Variants in FCGR3B observed in about 807,000 individuals in gnomAD.
FCGR3B encodes the protein Fc gamma receptor IIIb.
FCGR3B carries 20 observed loss-of-function variants against 26.7 expected under a neutral mutation model. That is an observed-to-expected ratio of 0.75 (90% CI 0.53 to 1.09). The LOEUF is 1.09. FCGR3B is among the 50% of genes least tolerant of loss of function. FCGR3B has a pLI of 0.00. For synonymous variants in FCGR3B, 79 were observed against 107.0 expected, an observed-to-expected ratio of 0.74 and a Z score of 1.62; for missense variants, 191 against 279.7, an observed-to-expected ratio of 0.68 and a Z score of 2.26.
chr1:161,628,243 A>T (rs1679572621), intron 3 of FCGR3B, among the ~76,000 whole-genome samples: 1 of 150,136 alleles, frequency 6.7e-6, no homozygotes, highest in African/African-American at 2.5e-5. Flanking sequence ...ACTGCACTCC[A>T]GCTTGGGTGA....
chr1:161,626,391 G>A lies in FCGR3B; in HGVS notation c.331C>T (p.Leu111Phe), dbSNP rs769914012. The A allele has an allele frequency of 6.2e-7, 1 of 1,609,158 alleles. No individual in the cohort carries two copies. The highest frequency in any genetic ancestry group is 1.1e-5 in the South Asian group (1 of 90,592). ...TTGAACACCCACCGAGGGGCCTGGA[G>A]CAACAGCCAGCCTGAAAGACACAGA... ...QLEVHIGWLLLQAPRWVFKEE... is the reference protein window; with the variant it reads ...QLEVHIGWLLFQAPRWVFKEE... The change falls in exon 4 of 5, where the codon CTC (leucine) becomes TTC (phenylalanine). Residue 111 changes from leucine to phenylalanine, a missense_variant. By Grantham distance (22) the Leu-to-Phe change is conservative. Coordinates refer to ENST00000650385, the MANE Select transcript of FCGR3B (RefSeq NM_001244753.2).
At chr1:161,624,878 T>A (rs1322064945) in intron 4 of FCGR3B, among the ~76,000 whole-genome samples, 1 of 146,488 alleles carries the variant, frequency 6.8e-6, no homozygotes, top group Non-Finnish European at 1.5e-5. Context: ...TTGACAGAGA[T>A]GTGACAGGGA....
chr1:161,625,995 T>G, intron 4 of FCGR3B, 150 bp downstream of exon 4: 2 of 858,102 alleles, frequency 2.3e-6, no homozygotes, highest in Admixed American at 2.7e-5. Context: ...TCAGGGACTT[T>G]TGGGGACCTC....
chr1:161,628,227 T>A (rs1389564925), intron 3 of FCGR3B, among the ~76,000 whole-genome samples: 1 of 149,900 alleles, frequency 6.7e-6, no homozygotes. Context: ...GAACCAAGAT[T>A]GCGCCACTGC....
rs1309102528 is a variant in FCGR3B at position 161,624,379 on chromosome 1, A to C, written c.*136T>G. On this transcript the variant is annotated 3_prime_UTR_variant, in exon 5 of 5. Coordinates refer to ENST00000650385, the MANE Select transcript of FCGR3B (RefSeq NM_001244753.2). ...CTGCTTGTAGAGAGGCCTGAGGATG[A>C]TGGGGTTGCAAATCCAGAGAAATGT... 9.4e-5 allele frequency: 99 copies of C among 1,050,016 alleles called. No individual in the cohort carries two copies. Among genetic ancestry groups the C allele is most frequent in the Non-Finnish European group, 1.3e-4 (94 of 711,218 alleles). 65.0% of individuals were successfully genotyped at this position (1,050,016 alleles called of 1,614,324 possible).
intron 3 of FCGR3B, among the ~76,000 whole-genome samples, chr1:161,627,263 G>T (rs1212529945): frequency 2.0e-5 from 3 of 150,096 alleles, no homozygotes; most frequent in Non-Finnish European, 3.0e-5. Flanking sequence ...ATTTTAAAAA[G>T]TATTATGCAC....
In FCGR3B at chr1:161,623,387, G is replaced by C. The variant is rs2102582945; in HGVS notation, c.*1128C>G. 1 of 150,592 alleles carries C rather than the reference G, an allele frequency of 6.6e-6. No homozygotes were observed. Among genetic ancestry groups the C allele is most frequent in the South Asian group, 2.1e-4 (1 of 4,698 alleles). 9.3% of individuals were successfully genotyped at this position (150,592 alleles called of 1,614,324 possible). A position where few individuals can be genotyped will look rare whatever the true frequency, so the allele number is the denominator to read the frequency against. On this transcript the variant is annotated 3_prime_UTR_variant, in exon 5 of 5. Transcript: ENST00000650385. The stretch of plus-strand genomic sequence containing the variant: ...CCCACCTCATTGGAACTGACATGAA[G>C]AAGGATTTGAAAGTTTCACAGCGTA...
chr1:161,624,625 T>C lies in FCGR3B; in HGVS notation c.592A>G (p.Thr198Ala). 1 of 1,605,436 alleles carries C rather than the reference T, an allele frequency of 6.2e-7. No individual in the cohort carries two copies. The highest frequency in any genetic ancestry group is 8.5e-7 in the Non-Finnish European group (1 of 1,176,102). ...ITITQGLAVSTISSFSPPGYQ... is the reference protein window; with the variant it reads ...ITITQGLAVSAISSFSPPGYQ... ...CCAGGTGGAGAGAATGATGAGATGG[T>C]TGACACTGCCAAACCTATTAGGAGA... Residue 198 changes from threonine (T) to alanine (A), a missense_variant, in exon 5 of 5, where the codon ACC becomes GCC. Physicochemically the swap from Thr to Ala is moderately conservative, Grantham distance 58. Coordinates refer to ENST00000650385, the MANE Select transcript of FCGR3B (RefSeq NM_001244753.2).
intron 3 of FCGR3B, among the ~76,000 whole-genome samples, chr1:161,629,495 G>T (rs1679631537): frequency 2.5e-5 from 1 of 40,732 alleles, no homozygotes; most frequent in African/African-American, 8.1e-5. Flanking sequence ...CTATGCCATG[G>T]CCTAACCTTC....
intron 3 of FCGR3B, among the ~76,000 whole-genome samples, chr1:161,628,167 G>C (rs1679564260): frequency 6.7e-6 from 1 of 149,986 alleles, no homozygotes; most frequent in African/African-American, 2.5e-5. Context: ...CAGCTAGTTG[G>C]GAGGCTGAAG....
At chr1:161,627,369 A>G (rs986233011) in intron 3 of FCGR3B, among the ~76,000 whole-genome samples, 1 of 150,330 alleles carries the variant, frequency 6.7e-6, no homozygotes, top group Admixed American at 6.6e-5. Context: ...TTACTTTTAT[A>G]TATTTTTGAA....
At chr1:161,624,780 AG>A in intron 4 of FCGR3B, 141 bp from the exon 5 acceptor site, 1 of 800,358 alleles carries the variant, frequency 1.2e-6, no homozygotes, top group South Asian at 1.9e-5. Context: ...TCTGGGGGAA[AG>A]TATTGCTTCC....
rs553559842 is a variant in FCGR3B, at chr1:161,628,898, CA to C, written c.319+879del. On this transcript the variant is annotated intron_variant, in intron 3 of 4. Transcript: ENST00000650385. Reference sequence around the variant, plus strand: ...ATGTCTATATTCTGTTAATAGTACACAAGGACTTTCATGTCATGATTAATGT... The same window carrying C: ...ATGTCTATATTCTGTTAATAGTACACAGGACTTTCATGTCATGATTAATGT... Among the ~76,000 whole-genome samples, 20 of 138,616 alleles carry C rather than the reference CA, an allele frequency of 1.4e-4. 2 individuals carry two copies. In the South Asian group the frequency reaches 4.9e-3, roughly 34 times the overall value. 90.9% of individuals were successfully genotyped at this position (138,616 alleles called of 152,430 possible). A position where few individuals can be genotyped will look rare whatever the true frequency, so the allele number is the denominator to read the frequency against.
At chr1:161,631,700 A>G (rs768477579), upstream of FCGR3B, among the ~76,000 whole-genome samples, 2 of 126,458 alleles carry the variant, frequency 1.6e-5, no homozygotes, top group Non-Finnish European at 3.4e-5. Context: ...CAAAATCTAT[A>G]TGCTCCTGGG....
Position 161,624,578 on chromosome 1 carries a change from C to G in FCGR3B, c.639G>C (p.Leu213Phe). ...SPPGYQVSFCLVMVLLFAVDT... is the reference protein window; with the variant it reads ...SPPGYQVSFCFVMVLLFAVDT... ...CCACTGCAAAAAGGAGTACCATCACCAAGCAGAAAGAGACTTGGTACCCAG... is the reference window on the plus strand; with the variant it reads ...CCACTGCAAAAAGGAGTACCATCACGAAGCAGAAAGAGACTTGGTACCCAG... The change falls in exon 5 of 5, where the codon TTG becomes TTC. Residue 213 changes from leucine to phenylalanine, a missense_variant. By Grantham distance (22) the Leu-to-Phe change is conservative. Around this residue, in one of 2 missense-constraint regions of FCGR3B, gnomAD observed 103 missense variants for 114.5 expected, o/e 0.90. Transcript: ENST00000650385. 2.5e-6 allele frequency: 4 copies of G among 1,606,360 alleles called. No individual in the cohort carries two copies. Among genetic ancestry groups the G allele is most frequent in the East Asian group, 2.2e-5 (1 of 44,722 alleles).
chr1:161,627,292 C>A (rs564153982), intron 3 of FCGR3B, among the ~76,000 whole-genome samples: 1 of 150,118 alleles, frequency 6.7e-6, no homozygotes, highest in African/African-American at 2.5e-5. Context: ...GAAGGATATG[C>A]ACTTACATAT....
Position 161,626,249 on chromosome 1 carries a change from T to C in FCGR3B, c.473A>G (p.His158Arg), listed in dbSNP as rs1375720645. ...RKYFHHNSDFHIPKATLKDSG... is the reference protein window; with the variant it reads ...RKYFHHNSDFRIPKATLKDSG... ...ATCTTTGAGTGTGGCTTTTGGAATG[T>C]GGAAGTCAGAATTATGATGAAAATA... The change falls in exon 4 of 5, where the codon CAC becomes CGC. Residue 158 changes from histidine to arginine, a missense_variant. His to Arg is a conservative substitution (Grantham distance 29). This residue lies in a region of FCGR3B where 103 missense variants were observed against 114.5 expected (regional missense o/e 0.90). Transcript: ENST00000650385. The C allele has an allele frequency of 1.2e-6, 2 of 1,608,600 alleles. No individual in the cohort carries two copies. Among genetic ancestry groups the C allele is most frequent in the Admixed American group, 1.7e-5 (1 of 59,606 alleles).
intron 3 of FCGR3B, among the ~76,000 whole-genome samples, chr1:161,628,570 G>C (rs1679591050): frequency 6.7e-6 from 1 of 148,620 alleles, no homozygotes; most frequent in African/African-American, 2.5e-5. Context: ...GCTAGAAATG[G>C]ACATACCTTC....
In FCGR3B at chr1:161,630,717, G is replaced by A. The variant is rs1438798746; in HGVS notation, c.41-329C>T. 3 of 546,424 alleles carry A rather than the reference G, an allele frequency of 5.5e-6. 1 individual carries two copies. The African/African-American group carries it at 6.0e-5, about 11-fold the overall frequency. 33.8% of individuals were successfully genotyped at this position (546,424 alleles called of 1,614,324 possible). A position where few individuals can be genotyped will look rare whatever the true frequency, so the allele number is the denominator to read the frequency against. ...TCAACCCATATCCCCACAAGAAAGG[G>A]TAGAAATTAAAAACCATAGAGGAGA... On this transcript the variant is annotated intron_variant, in intron 1 of 4. Coordinates refer to ENST00000650385, the MANE Select transcript of FCGR3B (RefSeq NM_001244753.2).
Sources: allele counts gnomAD v4.1 joint callset (sites outside exome capture counted in the v4.1 genomes callset), GRCh38; gene constraint gnomAD v4.1.1; regional missense constraint gnomAD v4.1.1; transcripts MANE v1.5; gene names NCBI Gene and HGNC (gene_info 2026-07-23, HGNC 2026-07-21).